The following ZAN variants were observed in gnomAD, a reference collection of about 807,000 sequenced individuals.
The protein encoded by ZAN is zonadhesin, also known as zonadhesin (gene/pseudogene).
ZAN carries 260 observed loss-of-function variants against 286.2 expected under a neutral mutation model. The ratio of observed to expected loss-of-function variants is 0.91; its 90% CI spans 0.82 to 1.01. The LOEUF is 1.01. Ranked by LOEUF, ZAN falls within the 50% of genes least tolerant of loss-of-function variation. The pLI is 0.00. For missense variants in ZAN, 3,410 were observed against 3,639.2 expected (o/e 0.94, Z 1.62); for synonymous variants, 1,368 against 1,417.5 (o/e 0.97, Z 0.79).
chr7:100,748,370 T>G lies in ZAN; in HGVS notation c.1149T>G (p.Cys383Trp). The G allele has an allele frequency of 6.2e-7, 1 of 1,614,022 alleles. No individual in the cohort carries two copies. Among genetic ancestry groups the G allele is most frequent in the Non-Finnish European group, 8.5e-7 (1 of 1,179,906 alleles). Reference protein sequence around the residue: ...CDFEDNAHPFCDWVQTSGDGG... With the variant: ...CDFEDNAHPFWDWVQTSGDGG... ...TTGAAGACAACGCCCATCCCTTCTG[T>G]GACTGGGTCCAGACTTCCGGGGATG... Residue 383 changes from cysteine (C) to tryptophan (W), a missense_variant, in exon 11 of 48, where the codon TGT (cysteine) becomes TGG (tryptophan). By Grantham distance (215) the Cys-to-Trp change is radical. This residue lies in a region of ZAN where 872 missense variants were observed against 938.9 expected (regional missense o/e 0.93). Transcript: ENST00000613979.
Position 100,744,362 on chromosome 7 carries a change from G to A in ZAN, c.767-2176G>A, listed in dbSNP as rs1369265586. ...GCCTGTAATCCCAGCACTTTGGGAG[G>A]CGGAGGCAGGTGGATCACCAGAGGT... On this transcript the variant is annotated intron_variant, in intron 7 of 47. Coordinates refer to ENST00000613979, the MANE Select transcript of ZAN (RefSeq NM_003386.3). Among the ~76,000 whole-genome samples, 4 of 150,922 alleles carry A rather than the reference G, an allele frequency of 2.7e-5. 1 individual carries two copies. The South Asian group carries it at 6.3e-4, about 24-fold the overall frequency.
In ZAN at chr7:100,755,363, A is replaced by G. The variant is rs1364425563; in HGVS notation, c.3262A>G (p.Ile1088Val). The part of the protein sequence containing the change: ...PGFLFSDNHC[I>V]QASSCNCFYN... ...CTTTTTGTTTAGTGACAACCACTGCATCCAGGCCTCTTCCTGCAATTGCTT... is the reference window on the plus strand; with the variant it reads ...CTTTTTGTTTAGTGACAACCACTGCGTCCAGGCCTCTTCCTGCAATTGCTT... The change falls in exon 15 of 48, where the codon ATC becomes GTC. Residue 1088 changes from isoleucine to valine, a missense_variant. This residue lies in a region of ZAN where 1,042 missense variants were observed against 1,058.0 expected (regional missense o/e 0.98). Transcript: ENST00000613979. The G allele has an allele frequency of 6.2e-7, 1 of 1,613,738 alleles. No individual in the cohort carries two copies. Among genetic ancestry groups the G allele is most frequent in the East Asian group, 2.2e-5 (1 of 44,870 alleles).
Position 100,750,879 on chromosome 7 carries a change from C to T in ZAN, c.1504C>T (p.His502Tyr). The stretch of plus-strand genomic sequence containing the variant: ...CACCTCCGTCACCGTCCCCTCAGGA[C>T]ACCAACAGCCCATGCAGGTGAGAGA... ...QNTSVTVPSG[H>Y]QQPMQLIFKG... Residue 502 changes from histidine to tyrosine, a missense_variant, in exon 12 of 48, where the codon CAC (histidine) becomes TAC (tyrosine). Around this residue, in one of 7 missense-constraint regions of ZAN, gnomAD observed 872 missense variants for 938.9 expected, o/e 0.93. Coordinates refer to ENST00000613979, the MANE Select transcript of ZAN (RefSeq NM_003386.3). The T allele has an allele frequency of 1.3e-6, 2 of 1,553,376 alleles. No homozygotes were observed. Among genetic ancestry groups the T allele is most frequent in the Non-Finnish European group, 1.7e-6 (2 of 1,147,650 alleles).
chr7:100,779,685 C>G lies in ZAN; in HGVS notation c.6557C>G (p.Ala2186Gly). 1 of 1,563,358 alleles carries G rather than the reference C, an allele frequency of 6.4e-7. No individual in the cohort carries two copies. The highest frequency in any genetic ancestry group is 1.4e-5 in the African/African-American group (1 of 73,662). The part of the protein sequence containing the change: ...LYQALCQALQ[A>G]FGATCQSQGL... ...CAGGCCCTCTGCCAGGCTCTGCAAG[C>G]CTTCGGGGCCACCTGCCAGAGCCAG... Residue 2186 changes from alanine to glycine, a missense_variant, in exon 35 of 48, where the codon GCC becomes GGC. Coordinates refer to ENST00000613979, the MANE Select transcript of ZAN (RefSeq NM_003386.3).
intron 22 of ZAN, 27 bp from the exon 23 acceptor site, chr7:100,765,322 CCTT>C (rs1809876880): frequency 4.3e-6 from 7 of 1,610,034 alleles, no homozygotes; most frequent in African/African-American, 1.3e-5. Context: ...TTGTTCGTCT[CCTT>C]CTCACCCAAG....
rs1354013015 is a variant in ZAN, at chr7:100,746,550, T to C, written c.779T>C (p.Met260Thr). 1 of 1,613,942 alleles carries C rather than the reference T, an allele frequency of 6.2e-7. No individual in the cohort carries two copies. The highest frequency in any genetic ancestry group is 8.5e-7 in the Non-Finnish European group (1 of 1,179,864). ...DFSSPGSGCY[M>T]LLDPKNARPG... ...TTTTGCTTCACAGGTGGCTGCTACA[T>C]GCTCCTGGACCCCAAGAATGCAAGA... The change falls in exon 8 of 48, where the codon ATG (methionine) becomes ACG (threonine). Residue 260 changes from methionine (M) to threonine (T), a missense_variant. Around this residue, in one of 7 missense-constraint regions of ZAN, gnomAD observed 872 missense variants for 938.9 expected, o/e 0.93. Transcript: ENST00000613979.
intron 7 of ZAN, among the ~76,000 whole-genome samples, chr7:100,744,948 A>G (rs1364205392): frequency 1.3e-5 from 2 of 149,992 alleles, no homozygotes; most frequent in African/African-American, 4.9e-5. Context: ...CGGTGACGCG[A>G]TCTCAGCTCA....
At chr7:100,772,842 T>C (rs1287506111) in intron 29 of ZAN, among the ~76,000 whole-genome samples, 2 of 149,766 alleles carry the variant, frequency 1.3e-5, no homozygotes, top group East Asian at 3.9e-4. Context: ...ATTGTTAAAA[T>C]TGTAGATTTT....
At chr7:100,783,134 A>T (rs1019151998) in intron 35 of ZAN, among the ~76,000 whole-genome samples, 2 of 151,724 alleles carry the variant, frequency 1.3e-5, no homozygotes, top group Non-Finnish European at 2.9e-5. Context: ...TGGGCGTGCT[A>T]GTATGTGCCT....
At chr7:100,794,420 C>T (rs1812216019) in intron 44 of ZAN, among the ~76,000 whole-genome samples, 162 bp downstream of exon 44, 1 of 152,200 alleles carries the variant, frequency 6.6e-6, no homozygotes, top group South Asian at 2.1e-4. Context: ...CTCCCGATCC[C>T]TAAGCATCCA....
At chr7:100,757,943 G>A (rs953729048) in intron 15 of ZAN, among the ~76,000 whole-genome samples, 4 of 149,288 alleles carry the variant, frequency 2.7e-5, no homozygotes, top group Admixed American at 6.7e-5. Flanking sequence ...AAAAAAAGTC[G>A]GGCATGGTGG....
chr7:100,753,130 G>A lies in ZAN; in HGVS notation c.3025G>A (p.Ala1009Thr). ...GAGGCCACCCCATCCCAGCCCCACA[G>A]CCACTGGGCTGGCAGCCTTGGTGAT... Reference protein sequence around the residue: ...ALRPPHPSPTATGLAALVMSP... With the variant: ...ALRPPHPSPTTTGLAALVMSP... Residue 1009 changes from alanine (A) to threonine (T), a missense_variant, in exon 14 of 48, where the codon GCC becomes ACC. Physicochemically the swap from Ala to Thr is moderately conservative, Grantham distance 58. Coordinates refer to ENST00000613979, the MANE Select transcript of ZAN (RefSeq NM_003386.3). 5 of 1,613,894 alleles carry A rather than the reference G, an allele frequency of 3.1e-6. No homozygotes were observed. The highest frequency in any genetic ancestry group is 4.2e-6 in the Non-Finnish European group (5 of 1,179,878).
intron 14 of ZAN, among the ~76,000 whole-genome samples, chr7:100,754,661 G>A (rs182430293): frequency 2.6e-4 from 40 of 151,110 alleles, no homozygotes; most frequent in African/African-American, 8.5e-4. Flanking sequence ...GCACCACCAC[G>A]ACTGGCTAAT....
Position 100,760,537 on chromosome 7 carries a change from G to A in ZAN, c.3842+1G>A. 2 of 1,613,486 alleles carry A rather than the reference G, an allele frequency of 1.2e-6. No homozygotes were observed. Among genetic ancestry groups the A allele is most frequent in the Non-Finnish European group, 8.5e-7 (1 of 1,179,502 alleles). Reference sequence around the variant, plus strand: ...AGCAGCTGTATGTTACTGTGTCCAGGTAAGGCAGTGTCCCAGCCAGGCAGC... The same window carrying A: ...AGCAGCTGTATGTTACTGTGTCCAGATAAGGCAGTGTCCCAGCCAGGCAGC... On this transcript the variant is annotated splice_donor_variant, in intron 19 of 47. Transcript: ENST00000613979. LOFTEE classifies it high-confidence loss of function.
chr7:100,756,161 T>C (rs1430789197), intron 15 of ZAN, among the ~76,000 whole-genome samples: 2 of 152,212 alleles, frequency 1.3e-5, no homozygotes, highest in African/African-American at 4.8e-5. Context: ...CTACCTCATA[T>C]AAGATTATTG....
At position 100,753,111 on chromosome 7, in the gene ZAN, AC is replaced by A; in HGVS notation, c.3010del (p.His1004IlefsTer13). 1 of 1,613,840 alleles carries A rather than the reference AC, an allele frequency of 6.2e-7. No individual in the cohort carries two copies. The highest frequency in any genetic ancestry group is 2.2e-5 in the East Asian group (1 of 44,886). ...PTEKLTALRPPHPSPTATGLA... is the reference protein window; with the variant it reads ...PTEKLTALRPXHPSPTATGLA... The stretch of plus-strand genomic sequence containing the variant: ...CAGAGAAGCTCACAGCCCTGAGGCC[AC>A]CCCATCCCAGCCCCACAGCCACTGG... On this transcript the variant is annotated frameshift_variant, in exon 14 of 48. Coordinates refer to ENST00000613979, the MANE Select transcript of ZAN (RefSeq NM_003386.3). LOFTEE classifies it high-confidence loss of function.
rs779831858 is a variant in ZAN, at chr7:100,763,890, G to A, written c.4071G>A (p.Arg1357=). 3.1e-6 allele frequency: 5 copies of A among 1,614,012 alleles called. No individual in the cohort carries two copies. Among genetic ancestry groups the A allele is most frequent in the Admixed American group, 1.7e-5 (1 of 60,020 alleles). Residue 1357 remains arginine (R), a synonymous_variant, in exon 21 of 48, where the codon CGG becomes CGA. Coordinates refer to ENST00000613979, the MANE Select transcript of ZAN (RefSeq NM_003386.3). This position sits in a 1 kb window ranked among gnomAD's most constrained non-coding sequence, Gnocchi z 4.6. ...SSMSGPGFCG[R]LVDTHGPFET... ...TGTCGGGGCCAGGGTTCTGTGGACG[G>A]CTGGTCGACACTCATGGCCCATTTG...
In ZAN at chr7:100,738,630, C is replaced by A; in HGVS notation, c.766+17C>A. 1 of 1,511,434 alleles carries A rather than the reference C, an allele frequency of 6.6e-7. No individual in the cohort carries two copies. The highest frequency in any genetic ancestry group is 9.1e-7 in the Non-Finnish European group (1 of 1,101,382). The allele number at this position is 1,511,434 out of a possible 1,614,324, so 93.6% of individuals were successfully genotyped here. A position where few individuals can be genotyped will look rare whatever the true frequency, so the allele number is the denominator to read the frequency against. Reference sequence around the variant, plus strand: ...GCCCTGGTAGTGAGTAGCGGCCATGCTTCTGTCCCTTGACTTTCTGGGCAC... The same window carrying A: ...GCCCTGGTAGTGAGTAGCGGCCATGATTCTGTCCCTTGACTTTCTGGGCAC... On this transcript the variant is annotated intron_variant, in intron 7 of 47. Coordinates refer to ENST00000613979, the MANE Select transcript of ZAN (RefSeq NM_003386.3).
chr7:100,790,989 G>A lies in ZAN; in HGVS notation c.7405G>A (p.Gly2469Arg), dbSNP rs370429370. The A allele has an allele frequency of 7.4e-6, 12 of 1,611,916 alleles. No individual in the cohort carries two copies. Among genetic ancestry groups the A allele is most frequent in the East Asian group, 4.5e-5 (2 of 44,812 alleles). ...CGAGGGGCTTGTGAGTGGCCTGTGCGGAAACTACGACAAGAACCGCAAGAA... is the reference window on the plus strand; with the variant it reads ...CGAGGGGCTTGTGAGTGGCCTGTGCAGAAACTACGACAAGAACCGCAAGAA... ...MYEGLVSGLCGNYDKNRKNDM... is the reference protein window; with the variant it reads ...MYEGLVSGLCRNYDKNRKNDM... Residue 2469 changes from glycine to arginine, a missense_variant, in exon 40 of 48, where the codon GGA (glycine) becomes AGA (arginine). By Grantham distance (125) the Gly-to-Arg change is moderately radical. This residue lies in a region of ZAN where 1,289 missense variants were observed against 1,314.3 expected (regional missense o/e 0.98). Coordinates refer to ENST00000613979, the MANE Select transcript of ZAN (RefSeq NM_003386.3).
Sources: allele counts gnomAD v4.1 joint callset (sites outside exome capture counted in the v4.1 genomes callset), GRCh38; gene constraint gnomAD v4.1.1; regional missense constraint gnomAD v4.1.1; non-coding constraint Gnocchi (gnomAD v3.1); transcripts MANE v1.5; gene names NCBI Gene and HGNC (gene_info 2026-07-23, HGNC 2026-07-21).